The following SUSD3 variants were observed in gnomAD, a reference collection of about 807,000 sequenced individuals.
SUSD3 encodes the protein sushi domain-containing protein 3.
SUSD3 carries 18 observed loss-of-function variants against 20.6 expected under a neutral mutation model. The observed-to-expected ratio is 0.87, with a 90% CI of 0.60 to 1.30. SUSD3 has a LOEUF of 1.30. SUSD3 is among the 50% of genes most tolerant of loss of function. The probability of loss-of-function intolerance (pLI) is 0.00; values close to 1 mark genes in which losing one functional copy is unlikely to be tolerated. For missense variants in SUSD3, 306 were observed against 346.9 expected (o/e 0.88, Z 0.94); for synonymous variants, 137 against 141.5 (o/e 0.97, Z 0.23).
intron 3 of SUSD3, 130 bp from the exon 4 acceptor site, chr9:93,079,341 G>C: frequency 2.0e-6 from 2 of 984,514 alleles, no homozygotes; most frequent in Non-Finnish European, 3.0e-6. Context: ...CCACTGCCCA[G>C]CTCTTTGAGA....
At chr9:93,083,123 G>A (rs1292080754) in intron 4 of SUSD3, among the ~76,000 whole-genome samples, 2 of 152,228 alleles carry the variant, frequency 1.3e-5, no homozygotes, top group Non-Finnish European at 2.9e-5. Flanking sequence ...TGAGAGGCTG[G>A]AGGAGGCCGG....
At chr9:93,077,725 G>A (rs1826223349) in intron 2 of SUSD3, 121 bp from the exon 3 acceptor site, 1 of 1,023,426 alleles carries the variant, frequency 9.8e-7, no homozygotes, top group East Asian at 2.6e-5. Flanking sequence ...GGCTCACTGA[G>A]GGCTGCCCAG....
chr9:93,072,137 TC>T (rs1825935210), intron 1 of SUSD3, among the ~76,000 whole-genome samples: 1 of 151,708 alleles, frequency 6.6e-6, no homozygotes, highest in Admixed American at 6.6e-5. Context: ...CCCTCCCCCA[TC>T]CCTCCCAGAA....
At chr9:93,075,736 G>GGGGGCCCCCCC in intron 1 of SUSD3, 48 bp from the exon 2 acceptor site, 1 of 272,214 alleles carries the variant, frequency 3.7e-6, no homozygotes, top group Non-Finnish European at 6.2e-6. Context: ...TGCCCTGCGT[G>GGGGGCCCCCCC]CCCACCCCCC....
chr9:93,075,735 T>TCCCCCCCCCCCCCCCCCCCCCCCCCCC, intron 1 of SUSD3, 49 bp from the exon 2 acceptor site: 2 of 247,428 alleles, frequency 8.1e-6, no homozygotes, highest in Non-Finnish European at 1.5e-5. Context: ...CTGCCCTGCG[T>TCCCCCCCCCCCCCCCCCCCCCCCCCCC]GCCCACCCCC....
chr9:93,065,559 G>A (rs1825675319), intron 1 of SUSD3, among the ~76,000 whole-genome samples: 1 of 152,228 alleles, frequency 6.6e-6, no homozygotes, highest in Admixed American at 6.5e-5. Flanking sequence ...TCTAAATTAA[G>A]GACTGGGAAG....
At chr9:93,073,832 G>T (rs889168610) in intron 1 of SUSD3, among the ~76,000 whole-genome samples, 1 of 152,166 alleles carries the variant, frequency 6.6e-6, no homozygotes, top group Non-Finnish European at 1.5e-5. Context: ...GATGCATTTT[G>T]TGTGTGTGTC....
chr9:93,069,202 C>A (rs1825824920), intron 1 of SUSD3: 10 of 695,754 alleles, frequency 1.4e-5, no homozygotes, highest in Non-Finnish European at 2.1e-5. Flanking sequence ...CTCACCCATC[C>A]CGCTCCACCC....
intron 1 of SUSD3, among the ~76,000 whole-genome samples, chr9:93,072,993 T>C (rs1825969336): frequency 6.6e-6 from 1 of 152,032 alleles, no homozygotes; most frequent in African/African-American, 2.4e-5. Context: ...CAGGGCATGG[T>C]CCTGGCTGGA....
intron 1 of SUSD3, among the ~76,000 whole-genome samples, chr9:93,073,590 A>G (rs1014460388): frequency 3.3e-5 from 5 of 152,030 alleles, no homozygotes; most frequent in South Asian, 2.1e-4. Context: ...GTCCACTGTC[A>G]ATGCCCAAAA....
chr9:93,069,291 A>T, intron 1 of SUSD3: 1 of 575,854 alleles, frequency 1.7e-6, no homozygotes, highest in Non-Finnish European at 3.1e-6. Context: ...GTGTTCAGGC[A>T]ACTCTCATTT....
intron 1 of SUSD3, among the ~76,000 whole-genome samples, chr9:93,074,700 T>A (rs1564190944): frequency 6.8e-6 from 1 of 147,256 alleles, no homozygotes; most frequent in Non-Finnish European, 1.5e-5. Flanking sequence ...CTGCAACCTC[T>A]GACTCCCTGG....
At chr9:93,084,361 C>A (rs950236791) in intron 4 of SUSD3, among the ~76,000 whole-genome samples, 176 bp from the exon 5 acceptor site, 1 of 152,088 alleles carries the variant, frequency 6.6e-6, no homozygotes, top group Non-Finnish European at 1.5e-5. Flanking sequence ...GATGGAGTGA[C>A]CTCTGTGCAC....
intron 1 of SUSD3, among the ~76,000 whole-genome samples, chr9:93,072,795 A>G (rs1053607672): frequency 1.1e-4 from 16 of 152,158 alleles, no homozygotes; most frequent in African/African-American, 3.9e-4. Context: ...TTGCTGGCCA[A>G]TTGGTTGTGG....
intron 1 of SUSD3, among the ~76,000 whole-genome samples, chr9:93,067,106 A>G (rs150696936): frequency 1.2e-3 from 180 of 152,340 alleles, no homozygotes; most frequent in African/African-American, 4.1e-3. Flanking sequence ...AGCTTCTGAC[A>G]GCCACTAATC....
At chr9:93,068,895 G>C (rs1027715311) in intron 1 of SUSD3, among the ~76,000 whole-genome samples, 1 of 152,104 alleles carries the variant, frequency 6.6e-6, no homozygotes, top group Non-Finnish European at 1.5e-5. Flanking sequence ...CTAAACACAT[G>C]TACCTATGAT....
intron 1 of SUSD3, 44 bp from the exon 2 acceptor site, chr9:93,075,740 A>AAC: frequency 6.8e-6 from 1 of 146,806 alleles, no homozygotes; most frequent in Non-Finnish European, 1.2e-5. Context: ...CTGCGTGCCC[A>AAC]CCCCCCCCCC....
At position 93,058,849 on chromosome 9, in the gene SUSD3, T is replaced by A; in HGVS notation, c.88+19T>A. ...CGCACAGGTGAGGGCTGGGGCCGAG[T>A]GGCCGCGTGCGGGGCTCTGCGCCCA... is the stretch of plus-strand genomic sequence containing the variant. On this transcript the variant is annotated intron_variant, in intron 1 of 4. Coordinates refer to ENST00000375472, the MANE Select transcript of SUSD3 (RefSeq NM_145006.4). 1 of 1,250,814 alleles carries A rather than the reference T, an allele frequency of 8.0e-7. No homozygotes were observed. The highest frequency in any genetic ancestry group is 2.8e-5 in the South Asian group (1 of 35,740). 77.5% of individuals were successfully genotyped at this position (1,250,814 alleles called of 1,614,324 possible). A position where few individuals can be genotyped will look rare whatever the true frequency, so the allele number is the denominator to read the frequency against.
Position 93,078,006 on chromosome 9 carries a change from C to T in SUSD3, c.425+13C>T. 1 of 1,614,112 alleles carries T rather than the reference C, an allele frequency of 6.2e-7. No individual in the cohort carries two copies. Among genetic ancestry groups the T allele is most frequent in the Non-Finnish European group, 8.5e-7 (1 of 1,180,030 alleles). On this transcript the variant is annotated intron_variant, in intron 3 of 4. Coordinates refer to ENST00000375472, the MANE Select transcript of SUSD3 (RefSeq NM_145006.4). ...GGCGCTCCAACAGGTACGGTGGCCT[C>T]ATGATCTCAGGGTCCTCCCGGGAGG...
Sources: allele counts gnomAD v4.1 joint callset (sites outside exome capture counted in the v4.1 genomes callset), GRCh38; gene constraint gnomAD v4.1.1; transcripts MANE v1.5; gene names NCBI Gene and HGNC (gene_info 2026-07-23, HGNC 2026-07-21).